The following GTF2B variants were observed in gnomAD, a reference collection of about 807,000 sequenced individuals.
GTF2B encodes general transcription factor IIB, also known as transcription initiation factor IIB.
GTF2B carries 20 observed loss-of-function variants against 34.6 expected under a neutral mutation model. That is an observed-to-expected ratio of 0.58 (90% CI 0.41 to 0.84). The LOEUF is 0.84. Among genes scored for constraint, GTF2B ranks in the 40% least tolerant of loss-of-function variants. The probability of loss-of-function intolerance (pLI) is 0.00; values close to 1 mark genes in which losing one functional copy is unlikely to be tolerated. For synonymous variants in GTF2B, 142 were observed against 132.4 expected (o/e 1.07, Z -0.50); for missense variants, 237 against 393.3 (o/e 0.60, Z 3.36).
At chr1:88,872,281 C>T (rs950154291) in intron 2 of GTF2B, among the ~76,000 whole-genome samples, 3 of 151,292 alleles carry the variant, frequency 2.0e-5, no homozygotes, top group South Asian at 2.1e-4. Context: ...TAGTGAAACC[C>T]GGTCTCTACT....
chr1:88,885,006 G>C (rs886902768), intron 2 of GTF2B, among the ~76,000 whole-genome samples: 1 of 152,244 alleles, frequency 6.6e-6, no homozygotes, highest in Non-Finnish European at 1.5e-5. Flanking sequence ...ACTGCAATTA[G>C]TATGCTGAGC....
chr1:88,865,155 G>T (rs552044865), intron 2 of GTF2B, among the ~76,000 whole-genome samples: 2 of 152,180 alleles, frequency 1.3e-5, no homozygotes, highest in Non-Finnish European at 2.9e-5. Context: ...ATAGTCAGGG[G>T]TGTGAACTCT....
In GTF2B at chr1:88,891,125, G is replaced by C. The variant is rs1181895297; in HGVS notation, c.17+358C>G. Among the ~76,000 whole-genome samples, 2 of 142,818 alleles carry C rather than the reference G, an allele frequency of 1.4e-5. 1 individual carries two copies. The highest frequency in any genetic ancestry group is 1.4e-4 in the Admixed American group (2 of 14,488). 93.7% of individuals were successfully genotyped at this position (142,818 alleles called of 152,430 possible). A position where few individuals can be genotyped will look rare whatever the true frequency, so the allele number is the denominator to read the frequency against. ...CCGTAGATGAAAAAAACAAGCGGGG[G>C]GGGGGGCGCGGGGGAGGAGAGGAGG... is the stretch of plus-strand genomic sequence containing the variant. On this transcript the variant is annotated intron_variant, in intron 1 of 6. Coordinates refer to ENST00000370500, the MANE Select transcript of GTF2B (RefSeq NM_001514.6).
intron 2 of GTF2B, among the ~76,000 whole-genome samples, chr1:88,885,250 C>T (rs1335043764): frequency 1.3e-5 from 2 of 151,416 alleles, no homozygotes; most frequent in African/African-American, 4.9e-5. Context: ...ACCAGCCTGG[C>T]CAACATGCTG....
intron 2 of GTF2B, among the ~76,000 whole-genome samples, chr1:88,866,530 T>C (rs1673564053): frequency 6.6e-6 from 1 of 152,142 alleles, no homozygotes; most frequent in Non-Finnish European, 1.5e-5. Flanking sequence ...CACCTTAGCC[T>C]CCTGAGCAGC....
rs372463647 is a variant in GTF2B, at chr1:88,860,044, G to A, written c.406-33C>T. Reference sequence around the variant, plus strand: ...GCAGAGAAACTAAGTTTAACTCTACGTCATTTAATTAGCTGCAATATCAAA... The same window carrying A: ...GCAGAGAAACTAAGTTTAACTCTACATCATTTAATTAGCTGCAATATCAAA... On this transcript the variant is annotated intron_variant, in intron 4 of 6. Transcript: ENST00000370500. The A allele has an allele frequency of 1.2e-4, 199 of 1,611,104 alleles. No homozygotes were observed. The African/African-American group carries it at 1.2e-3, about 10-fold the overall frequency.
At chr1:88,884,381 A>T (rs116786187) in intron 2 of GTF2B, among the ~76,000 whole-genome samples, 3,970 of 152,338 alleles carry the variant, frequency 0.026, 89 homozygotes, top group South Asian at 0.041. Flanking sequence ...TGATCTAGTC[A>T]TCAAGAGCCA....
rs1299775229 is a variant in GTF2B, at chr1:88,860,189, T to C, written c.356A>G (p.Lys119Arg). The change falls in exon 4 of 7, where the codon AAA (lysine) becomes AGA (arginine). Residue 119 changes from lysine to arginine, a missense_variant. Physicochemically the swap from Lys to Arg is conservative, Grantham distance 26. This residue lies in a region of GTF2B where 130 missense variants were observed against 170.9 expected (regional missense o/e 0.76). Transcript: ENST00000370500. ...SSDRAMMNAF[K>R]EITTMADRIN... ...TCTGTCTGCCATGGTAGTGATTTCT[T>C]TGAATGCATTCATCATTGCCCGATC... 1 of 1,613,986 alleles carries C rather than the reference T, an allele frequency of 6.2e-7. No individual in the cohort carries two copies. The highest frequency in any genetic ancestry group is 1.7e-5 in the Admixed American group (1 of 60,018).
At chr1:88,867,602 T>C (rs1673590769) in intron 2 of GTF2B, among the ~76,000 whole-genome samples, 1 of 152,150 alleles carries the variant, frequency 6.6e-6, no homozygotes, top group Non-Finnish European at 1.5e-5. Context: ...TTAACATACA[T>C]GAATGTATCA....
intron 5 of GTF2B, among the ~76,000 whole-genome samples, chr1:88,859,228 CTG>C (rs1673384171): frequency 6.6e-6 from 1 of 152,154 alleles, no homozygotes; most frequent in South Asian, 2.1e-4. Context: ...GAAATGGAAA[CTG>C]TTTCCATGTA....
chr1:88,877,704 C>T (rs368946591), intron 2 of GTF2B, among the ~76,000 whole-genome samples: 9 of 152,234 alleles, frequency 5.9e-5, no homozygotes, highest in Admixed American at 1.3e-4. Context: ...AGCCGAGGCA[C>T]GTGTATCACT....
intron 6 of GTF2B, among the ~76,000 whole-genome samples, chr1:88,856,131 G>A (rs1026400218): frequency 2.0e-5 from 3 of 151,846 alleles, no homozygotes; most frequent in Admixed American, 6.6e-5. Flanking sequence ...TTAGCTGGGC[G>A]TGGTGGCACG....
chr1:88,866,998 T>C (rs1673574548), intron 2 of GTF2B, among the ~76,000 whole-genome samples: 1 of 152,136 alleles, frequency 6.6e-6, no homozygotes, highest in African/African-American at 2.4e-5. Flanking sequence ...TCACTAAACT[T>C]AGGAAGCAGT....
rs1673398273 is a variant in GTF2B, at chr1:88,859,994, T to C, written c.423A>G (p.Leu141=). ...PRNIVDRTNN[L]FKQVYEQKSL... ...TCTTCTGTTCATATACTTGCTTGAA[T>C]AAATTATTTGTTCGATCCTTCAAAG... The change falls in exon 5 of 7, where the codon TTA becomes TTG. Residue 141 remains leucine, a synonymous_variant. Coordinates refer to ENST00000370500, the MANE Select transcript of GTF2B (RefSeq NM_001514.6). The C allele has an allele frequency of 4.3e-6, 7 of 1,613,540 alleles. No homozygotes were observed. The highest frequency in any genetic ancestry group is 5.1e-6 in the Non-Finnish European group (6 of 1,179,592).
intron 6 of GTF2B, among the ~76,000 whole-genome samples, chr1:88,856,293 A>AAAAAAAAAAAAAAAAT (rs1673312166): frequency 6.7e-6 from 1 of 149,060 alleles, no homozygotes; most frequent in African/African-American, 2.5e-5. Flanking sequence ...AAAAAAAACA[A>AAAAAAAAAAAAAAAAT]AAAAAAAAAA....
intron 2 of GTF2B, among the ~76,000 whole-genome samples, chr1:88,868,801 T>C (rs1426281171): frequency 6.6e-6 from 1 of 151,964 alleles, no homozygotes; most frequent in Non-Finnish European, 1.5e-5. Flanking sequence ...AGTGGCTCAA[T>C]CTCGGCTCAC....
intron 1 of GTF2B, among the ~76,000 whole-genome samples, chr1:88,890,394 TA>T (rs1674172814): frequency 6.6e-6 from 1 of 152,206 alleles, no homozygotes; most frequent in Non-Finnish European, 1.5e-5. Flanking sequence ...TTTCTAATCA[TA>T]AAATGTAAGT....
At chr1:88,864,887 G>T (rs1326988907) in intron 2 of GTF2B, among the ~76,000 whole-genome samples, 1 of 152,160 alleles carries the variant, frequency 6.6e-6, no homozygotes, top group Non-Finnish European at 1.5e-5. Context: ...ATAAAGGTAG[G>T]TACCAATTTT....
chr1:88,871,878 T>C (rs768512565), intron 2 of GTF2B, among the ~76,000 whole-genome samples: 2 of 151,940 alleles, frequency 1.3e-5, no homozygotes, highest in Non-Finnish European at 2.9e-5. Context: ...ATTACAGGCA[T>C]CCACCACCAC....
Sources: allele counts gnomAD v4.1 joint callset (sites outside exome capture counted in the v4.1 genomes callset), GRCh38; gene constraint gnomAD v4.1.1; regional missense constraint gnomAD v4.1.1; transcripts MANE v1.5; gene names NCBI Gene and HGNC (gene_info 2026-07-23, HGNC 2026-07-21).